Variants in CSMD1 observed in about 807,000 individuals in gnomAD.
CSMD1 encodes the protein CUB and sushi domain-containing protein 1.
In CSMD1, 213 loss-of-function variants were observed where a neutral mutation model predicts 417.5. The ratio of observed to expected loss-of-function variants is 0.51; its 90% CI spans 0.46 to 0.57. The LOEUF (loss-of-function observed/expected upper bound fraction) is 0.57. CSMD1 is among the 20% of genes least tolerant of loss of function. CSMD1 has a pLI of 0.00. For synonymous variants in CSMD1, 2,862 were observed against 1,736.8 expected (o/e 1.65, Z -16.11); for missense variants, 6,923 against 4,529.7 (o/e 1.53, Z -15.17).
intron 9 of CSMD1, among the ~76,000 whole-genome samples, chr8:3,581,509 C>T (rs1800381925): frequency 6.6e-6 from 1 of 152,216 alleles, no homozygotes; most frequent in Admixed American, 6.5e-5. Flanking sequence ...TTCTGACTCA[C>T]TGCAATTTAT....
intron 2 of CSMD1, among the ~76,000 whole-genome samples, chr8:4,535,760 T>C (rs1797073033): frequency 6.6e-6 from 1 of 152,180 alleles, no homozygotes; most frequent in African/African-American, 2.4e-5. Context: ...TGTTAATAGG[T>C]TAGTTCATGC....
At chr8:4,603,367 C>T (rs1050836724) in intron 2 of CSMD1, among the ~76,000 whole-genome samples, 2 of 151,944 alleles carry the variant, frequency 1.3e-5, no homozygotes, top group African/African-American at 4.8e-5. Flanking sequence ...CATATCAAAA[C>T]ATTATATATT....
chr8:4,009,361 C>T (rs947389232), intron 4 of CSMD1, among the ~76,000 whole-genome samples: 1 of 152,030 alleles, frequency 6.6e-6, no homozygotes, highest in South Asian at 2.1e-4. Context: ...ATTTAAAATA[C>T]AGAATAGAAC....
rs150211749 is a variant in CSMD1, at chr8:3,528,302, T to A, written c.1345-34576A>T. 1.5e-3 allele frequency among the ~76,000 whole-genome samples: 222 copies of A among 152,332 alleles called. 1 individual carries two copies. Among genetic ancestry groups the A allele is most frequent in the African/African-American group, 5.1e-3 (211 of 41,580 alleles). On this transcript the variant is annotated intron_variant, in intron 10 of 69. Coordinates refer to ENST00000635120, the MANE Select transcript of CSMD1 (RefSeq NM_033225.6). ...GTATGCCACTGAGGTGTTTTGCTAA[T>A]AGCTCAGTGCCAAAATTCTTCCCCT... is the stretch of plus-strand genomic sequence containing the variant.
intron 1 of CSMD1, among the ~76,000 whole-genome samples, chr8:4,940,406 C>G (rs576303836): frequency 1.3e-5 from 2 of 152,186 alleles, no homozygotes; most frequent in Admixed American, 1.3e-4. Context: ...TTAAGAAATT[C>G]CAATTATGTG....
chr8:3,888,384 A>G (rs1218885996), intron 5 of CSMD1, among the ~76,000 whole-genome samples: 6 of 152,210 alleles, frequency 3.9e-5, no homozygotes, highest in Non-Finnish European at 7.3e-5. Flanking sequence ...AGCTTCATAG[A>G]GAAGCCTATT....
At chr8:3,878,680 C>CT (rs1186375854) in intron 5 of CSMD1, among the ~76,000 whole-genome samples, 2 of 152,180 alleles carry the variant, frequency 1.3e-5, no homozygotes, top group Non-Finnish European at 2.9e-5. Context: ...TTCAACTAGT[C>CT]TGAGTTGCTA....
intron 1 of CSMD1, among the ~76,000 whole-genome samples, chr8:4,774,499 G>A (rs1796747946): frequency 6.6e-6 from 1 of 151,994 alleles, no homozygotes; most frequent in African/African-American, 2.4e-5. Flanking sequence ...TTACATATAG[G>A]AAATAAAGTA....
chr8:4,487,579 G>T (rs1277810557), intron 2 of CSMD1, among the ~76,000 whole-genome samples: 1 of 152,048 alleles, frequency 6.6e-6, no homozygotes, highest in African/African-American at 2.4e-5. Context: ...TGGACATTTG[G>T]GTTGGTTCCA....
rs1360774134 is a variant in CSMD1 at position 4,815,259 on chromosome 8, T to C, written c.86-177701A>G. ...GATGAAACCACAATTAACAATTTAT[T>C]TGAATTGGCTTCAAACCAATCTGCA... On this transcript the variant is annotated intron_variant, in intron 1 of 69. Coordinates refer to ENST00000635120, the MANE Select transcript of CSMD1 (RefSeq NM_033225.6). Among the ~76,000 whole-genome samples, 7 of 152,196 alleles carry C rather than the reference T, an allele frequency of 4.6e-5. No homozygotes were observed. The South Asian group carries it at 1.0e-3, about 22-fold the overall frequency.
At chr8:3,152,770 G>C (rs974113506) in intron 39 of CSMD1, among the ~76,000 whole-genome samples, 1 of 152,200 alleles carries the variant, frequency 6.6e-6, no homozygotes, top group Non-Finnish European at 1.5e-5. Context: ...CGACTTCTTT[G>C]TGGCAGAGAC....
chr8:4,679,319 C>G (rs1035545836), intron 1 of CSMD1, among the ~76,000 whole-genome samples: 1 of 152,138 alleles, frequency 6.6e-6, no homozygotes, highest in South Asian at 2.1e-4. Context: ...GAAGTTGACA[C>G]CTTCTGCCCA....
At chr8:4,366,635 G>C (rs912140311) in intron 3 of CSMD1, among the ~76,000 whole-genome samples, 7 of 151,974 alleles carry the variant, frequency 4.6e-5, no homozygotes, top group Admixed American at 2.0e-4. Context: ...ACTCATGAGA[G>C]ATGGTATCTC....
intron 21 of CSMD1, among the ~76,000 whole-genome samples, chr8:3,352,025 A>C (rs1048367156): frequency 2.6e-5 from 4 of 152,156 alleles, no homozygotes; most frequent in African/African-American, 9.7e-5. Flanking sequence ...TGTGGAAGTC[A>C]ATAAGAAAAT....
intron 12 of CSMD1, among the ~76,000 whole-genome samples, chr8:3,412,889 G>T (rs1812902119): frequency 6.6e-6 from 1 of 152,192 alleles, no homozygotes; most frequent in Admixed American, 6.5e-5. Flanking sequence ...GTTTATAATA[G>T]AAAAGAGCTC....
chr8:4,431,112 C>G (rs566807220), intron 2 of CSMD1, among the ~76,000 whole-genome samples: 1 of 151,868 alleles, frequency 6.6e-6, no homozygotes, highest in Non-Finnish European at 1.5e-5. Context: ...TTAAACAGAC[C>G]ACATGACTGT....
intron 3 of CSMD1, among the ~76,000 whole-genome samples, chr8:4,104,710 C>T (rs968582412): frequency 6.6e-6 from 1 of 152,146 alleles, no homozygotes; most frequent in African/African-American, 2.4e-5. Context: ...CAATAGCTGG[C>T]AACAGTCCCA....
At chr8:3,448,858 T>G (rs1815502783) in intron 12 of CSMD1, among the ~76,000 whole-genome samples, 1 of 152,188 alleles carries the variant, frequency 6.6e-6, no homozygotes, top group Admixed American at 6.5e-5. Context: ...CTCCACTAAT[T>G]TTGGAAAACT....
rs147089834 is a variant in CSMD1 at position 3,760,909 on chromosome 8, G to A, written c.819-6867C>T. 4.2e-3 allele frequency among the ~76,000 whole-genome samples: 634 copies of A among 152,024 alleles called. 6 individuals carry two copies. Among genetic ancestry groups the A allele is most frequent in the Middle Eastern group, 0.01 (3 of 288 alleles). On this transcript the variant is annotated intron_variant, in intron 5 of 69. Transcript: ENST00000635120. ...TTTAATAAACCTATTACTTGGAGGA[G>A]ACCAGTTTTGTGTCAATTTGGGCAG... is the stretch of plus-strand genomic sequence containing the variant.
Sources: gnomAD v4.1 joint callset for allele counts (sites outside exome capture counted in the v4.1 genomes callset) on GRCh38, gnomAD v4.1.1 for gene constraint, MANE v1.5 for transcripts, NCBI Gene and HGNC (gene_info 2026-07-23, HGNC 2026-07-21) for gene names.